Variants in BCKDHB observed in about 807,000 individuals in gnomAD.
The protein encoded by BCKDHB is branched chain keto acid dehydrogenase E1 subunit beta.
A neutral mutation model predicts 48.5 loss-of-function variants in BCKDHB; 41 were observed. The observed-to-expected ratio is 0.85, with a 90% CI of 0.66 to 1.10. The LOEUF is 1.10. BCKDHB is among the 50% of genes least tolerant of loss of function. The pLI is 0.00. For synonymous variants in BCKDHB, 201 were observed against 174.8 expected (o/e 1.15, Z -1.18); for missense variants, 496 against 494.2 (o/e 1.00, Z -0.03).
chr6:80,372,736 T>C, the BCKDHB span, among the ~76,000 whole-genome samples: 56 of 152,178 alleles, frequency 3.7e-4, no homozygotes, highest in Non-Finnish European at 3.1e-4. Flanking sequence ...ATTCTGTTTA[T>C]GTGGTGTATC....
chr6:80,148,048 G>T (rs1771574720), intron 3 of BCKDHB, among the ~76,000 whole-genome samples: 1 of 152,070 alleles, frequency 6.6e-6, no homozygotes, highest in Non-Finnish European at 1.5e-5. Flanking sequence ...GGAAAAGTAG[G>T]GTCAGACATA....
the BCKDHB span, chr6:80,440,752 CTG>C: frequency 6.6e-6 from 1 of 152,132 alleles, no homozygotes; most frequent in African/African-American, 2.4e-5. Flanking sequence ...GGAGAGAAAA[CTG>C]TGCGCCTGCC....
intron 9 of BCKDHB, among the ~76,000 whole-genome samples, chr6:80,335,411 A>G (rs1769536444): frequency 6.6e-6 from 1 of 152,024 alleles, no homozygotes; most frequent in South Asian, 2.1e-4. Context: ...ATGCTTCCAC[A>G]TTCTAAGGAA....
the BCKDHB span, among the ~76,000 whole-genome samples, chr6:80,444,515 T>C: frequency 2.0e-5 from 3 of 152,182 alleles, no homozygotes; most frequent in Non-Finnish European, 4.4e-5. Flanking sequence ...CTATTTAAAA[T>C]GATTTTAATA....
intron 8 of BCKDHB, among the ~76,000 whole-genome samples, chr6:80,222,969 A>T (rs1775530098): frequency 6.6e-6 from 1 of 152,200 alleles, no homozygotes; most frequent in African/African-American, 2.4e-5. Context: ...ACATTAGAAG[A>T]TGGGGAAAAG....
rs398124565 is a variant in BCKDHB at position 80,343,712 on chromosome 6, T to A, written c.1087T>A (p.Tyr363Asn). Residue 363 changes from tyrosine to asparagine, a missense_variant, in exon 10 of 10, where the codon TAT (tyrosine) becomes AAT (asparagine). Physicochemically the swap from Tyr to Asn is moderately radical, Grantham distance 143 (BLOSUM62 -2). Transcript: ENST00000320393. ...LEAPISRVCG[Y>N]DTPFPHIFEP... Reference sequence around the variant, plus strand: ...GGCTCCTATATCAAGAGTATGTGGTTATGACACACCATTTCCTCACATTTT... The same window carrying A: ...GGCTCCTATATCAAGAGTATGTGGTAATGACACACCATTTCCTCACATTTT... 2.5e-6 allele frequency: 4 copies of A among 1,614,000 alleles called. No individual in the cohort carries two copies. In the Admixed American group the frequency reaches 6.7e-5, roughly 27 times the overall value.
At chr6:80,440,485 AG>A in the BCKDHB span, among the ~76,000 whole-genome samples, 1 of 152,252 alleles carries the variant, frequency 6.6e-6, no homozygotes, top group South Asian at 2.1e-4. Flanking sequence ...GGTTTTTTAG[AG>A]AAGTTGTTCA....
At chr6:80,324,999 A>G (rs1003916169) in intron 9 of BCKDHB, among the ~76,000 whole-genome samples, 2 of 152,248 alleles carry the variant, frequency 1.3e-5, no homozygotes, top group African/African-American at 4.8e-5. Flanking sequence ...TAAAAGTCAC[A>G]GTGATTCAAT....
At chr6:80,107,561 A>G (rs932715907) in intron 1 of BCKDHB, among the ~76,000 whole-genome samples, 1 of 147,786 alleles carries the variant, frequency 6.8e-6, no homozygotes, top group Admixed American at 6.7e-5. Flanking sequence ...ATATATGCAT[A>G]TATATATGCA....
At chr6:80,293,060 G>C (rs1188357009) in intron 9 of BCKDHB, among the ~76,000 whole-genome samples, 1 of 152,218 alleles carries the variant, frequency 6.6e-6, no homozygotes, top group Non-Finnish European at 1.5e-5. Context: ...TTGAGTGTCT[G>C]TGGCTTTTCC....
chr6:80,169,848 G>A (rs1440046468), intron 5 of BCKDHB: 1 of 1,607,400 alleles, frequency 6.2e-7, no homozygotes. Flanking sequence ...AGTAGATGTT[G>A]CCTGATTTTT....
At chr6:80,402,965 C>T in the BCKDHB span, among the ~76,000 whole-genome samples, 1 of 151,816 alleles carries the variant, frequency 6.6e-6, no homozygotes, top group South Asian at 2.1e-4. Context: ...TCATCTATGT[C>T]CATGTTTTTA....
At chr6:80,434,745 C>A in the BCKDHB span, among the ~76,000 whole-genome samples, 1 of 152,088 alleles carries the variant, frequency 6.6e-6, no homozygotes, top group Non-Finnish European at 1.5e-5. Context: ...GAACTCTACC[C>A]AATTTCCTAT....
rs60689072 is a variant in BCKDHB, at chr6:80,343,999, TTTG to T, written c.*210_*212del. On this transcript the variant is annotated 3_prime_UTR_variant, in exon 10 of 10. Transcript: ENST00000320393. ...AAATTTATAGTAGTATATTTACATT[TTTG>T]TTGTTGTTGTTGTTCTGAGATGGAG... 0.78 allele frequency: 454,947 copies of T among 581,418 alleles called. 181,401 individuals are homozygous for T. Among genetic ancestry groups the T allele is most frequent in the Admixed American group, 0.83 (32,192 of 38,584 alleles). 36.0% of individuals were successfully genotyped at this position (581,418 alleles called of 1,614,324 possible).
chr6:80,220,357 AT>A (rs1164724316), intron 8 of BCKDHB, among the ~76,000 whole-genome samples: 3 of 40,318 alleles, frequency 7.4e-5, no homozygotes, highest in African/African-American at 2.1e-4. Flanking sequence ...GGGTATATAC[AT>A]TTTTTTCAAG....
At chr6:80,422,578 G>A in the BCKDHB span, among the ~76,000 whole-genome samples, 200 of 152,312 alleles carry the variant, frequency 1.3e-3, no homozygotes, top group Admixed American at 5.9e-3. Context: ...CATCTGTGGG[G>A]TCTGCAGAGA....
chr6:80,319,403 A>G (rs1768600901), intron 9 of BCKDHB, among the ~76,000 whole-genome samples: 1 of 152,230 alleles, frequency 6.6e-6, no homozygotes, highest in Non-Finnish European at 1.5e-5. Context: ...CTACCCAGAA[A>G]ATATTTAACA....
downstream of BCKDHB, among the ~76,000 whole-genome samples, chr6:80,349,119 G>A (rs182712604): frequency 3.3e-5 from 5 of 152,302 alleles, no homozygotes; most frequent in East Asian, 9.6e-4. Context: ...GACAAAGACT[G>A]GAGTAGTAGA....
intron 6 of BCKDHB, among the ~76,000 whole-genome samples, chr6:80,180,716 C>T (rs771952014): frequency 9.9e-5 from 15 of 152,014 alleles, no homozygotes; most frequent in Non-Finnish European, 1.3e-4. Context: ...TTTGAAGAGA[C>T]GAACATTATT....
Sources: allele counts gnomAD v4.1 joint callset (sites outside exome capture counted in the v4.1 genomes callset), GRCh38; gene constraint gnomAD v4.1.1; transcripts MANE v1.5; gene names NCBI Gene and HGNC (gene_info 2026-07-23, HGNC 2026-07-21).